Variants in LRRC49 observed in about 807,000 individuals in gnomAD.
The protein encoded by LRRC49 is leucine rich repeat containing 49.
LRRC49 carries 50 observed loss-of-function variants against 83.3 expected under a neutral mutation model. That is an observed-to-expected ratio of 0.60 (90% CI 0.48 to 0.76). The LOEUF (loss-of-function observed/expected upper bound fraction) is 0.76. Ranked by LOEUF, LRRC49 falls within the 30% of genes least tolerant of loss-of-function variation. LRRC49 has a pLI of 0.00. For missense variants in LRRC49, 704 were observed against 809.1 expected (o/e 0.87, Z 1.58); for synonymous variants, 286 against 283.3 (o/e 1.01, Z -0.10).
chr15:71,033,483 A>G (rs571659075), intron 14 of LRRC49, among the ~76,000 whole-genome samples: 9 of 152,344 alleles, frequency 5.9e-5, no homozygotes, highest in African/African-American at 1.4e-4. Flanking sequence ...TACAGATTCA[A>G]TGCTACTTCC....
intron 9 of LRRC49, among the ~76,000 whole-genome samples, chr15:70,968,090 C>T (rs1357076458): frequency 6.6e-6 from 1 of 151,878 alleles, no homozygotes; most frequent in Non-Finnish European, 1.5e-5. Context: ...CTGCACCTAT[C>T]AACCCGTAAT....
chr15:71,027,830 T>G (rs2039224393), intron 14 of LRRC49, among the ~76,000 whole-genome samples: 1 of 152,224 alleles, frequency 6.6e-6, no homozygotes, highest in Non-Finnish European at 1.5e-5. Context: ...CTTATCAGCT[T>G]AAGGAGTTTT....
intron 1 of LRRC49, among the ~76,000 whole-genome samples, chr15:70,872,131 C>T (rs899578454): frequency 6.6e-5 from 10 of 152,246 alleles, no homozygotes; most frequent in Admixed American, 6.5e-4. Flanking sequence ...AGCAAGACTC[C>T]GTCTGCAATC....
intron 7 of LRRC49, among the ~76,000 whole-genome samples, chr15:70,933,793 T>C (rs907720324): frequency 1.3e-5 from 2 of 152,190 alleles, no homozygotes; most frequent in Non-Finnish European, 2.9e-5. Flanking sequence ...ACATTTATGA[T>C]AGAATAGATT....
intron 14 of LRRC49, among the ~76,000 whole-genome samples, chr15:71,025,904 A>C (rs184303599): frequency 2.6e-4 from 39 of 152,320 alleles, no homozygotes; most frequent in Non-Finnish European, 1.5e-4. Context: ...AAAGAGACTT[A>C]GACTCCCACA....
intron 9 of LRRC49, among the ~76,000 whole-genome samples, chr15:70,971,229 C>A (rs2036985666): frequency 6.6e-6 from 1 of 152,056 alleles, no homozygotes; most frequent in Admixed American, 6.6e-5. Context: ...CCCTTAAATT[C>A]ATTATTTACC....
intron 5 of LRRC49, among the ~76,000 whole-genome samples, chr15:70,908,408 G>A (rs555030483): frequency 6.6e-6 from 1 of 152,264 alleles, no homozygotes; most frequent in East Asian, 1.9e-4. Flanking sequence ...AGGAGGCTAG[G>A]GAATATGGGT....
At chr15:70,995,385 A>C (rs181530863) in intron 11 of LRRC49, among the ~76,000 whole-genome samples, 1 of 152,360 alleles carries the variant, frequency 6.6e-6, no homozygotes, top group East Asian at 1.9e-4. Context: ...GAACACATTT[A>C]AGTAATGAAA....
intron 9 of LRRC49, among the ~76,000 whole-genome samples, chr15:70,965,025 A>C (rs2036745757): frequency 6.6e-6 from 1 of 152,084 alleles, no homozygotes; most frequent in Non-Finnish European, 1.5e-5. Context: ...TCTCTATTCC[A>C]TGGTGGAGCT....
intron 9 of LRRC49, among the ~76,000 whole-genome samples, chr15:70,969,994 C>T (rs2036936398): frequency 6.6e-6 from 1 of 152,142 alleles, no homozygotes; most frequent in Non-Finnish European, 1.5e-5. Context: ...ATTGCCCTGG[C>T]CGGAACTTCC....
At chr15:70,895,692 G>C in intron 2 of LRRC49, 157 bp from the exon 3 acceptor site, 1 of 523,328 alleles carries the variant, frequency 1.9e-6, no homozygotes, top group Non-Finnish European at 3.3e-6. Flanking sequence ...TGCCAATGTG[G>C]TATTTTGTGT....
chr15:71,009,185 G>C (rs2038564206), intron 12 of LRRC49, among the ~76,000 whole-genome samples: 1 of 151,654 alleles, frequency 6.6e-6, no homozygotes, highest in Non-Finnish European at 1.5e-5. Flanking sequence ...TGCCTTTTTG[G>C]TGGGTTTTTG....
intron 11 of LRRC49, among the ~76,000 whole-genome samples, chr15:70,989,094 T>G (rs1423922718): frequency 6.6e-6 from 1 of 152,216 alleles, no homozygotes; most frequent in East Asian, 1.9e-4. Context: ...TCAACTTTGG[T>G]GAATCTAACA....
At chr15:70,934,552 G>A (rs541989653) in intron 7 of LRRC49, among the ~76,000 whole-genome samples, 132 of 152,034 alleles carry the variant, frequency 8.7e-4, no homozygotes, top group African/African-American at 3.0e-3. Context: ...TGATAAAGAC[G>A]TAAAATTTTG....
chr15:71,005,067 T>TA (rs1209416505), intron 11 of LRRC49, among the ~76,000 whole-genome samples: 2 of 152,184 alleles, frequency 1.3e-5, no homozygotes. Flanking sequence ...TATTCTTACA[T>TA]AAATATATTA....
intron 5 of LRRC49, chr15:70,907,995 A>C: frequency 2.2e-6 from 1 of 456,008 alleles, no homozygotes; most frequent in Non-Finnish European, 4.4e-6. Context: ...GAATTGGGTA[A>C]GTTTTTAGGT....
At chr15:70,968,847 A>C (rs2036888225) in intron 9 of LRRC49, among the ~76,000 whole-genome samples, 1 of 151,860 alleles carries the variant, frequency 6.6e-6, no homozygotes, top group South Asian at 2.1e-4. Context: ...CTTTCTTGTA[A>C]ATTTGTTTAC....
intron 11 of LRRC49, among the ~76,000 whole-genome samples, chr15:71,006,922 A>C (rs1432328638): frequency 6.6e-6 from 1 of 152,056 alleles, no homozygotes; most frequent in African/African-American, 2.4e-5. Flanking sequence ...GTATGGAACT[A>C]ATTGTTAAGT....
chr15:70,996,543 T>C (rs1439879124), intron 11 of LRRC49, among the ~76,000 whole-genome samples: 2 of 152,274 alleles, frequency 1.3e-5, no homozygotes, highest in South Asian at 2.1e-4. Flanking sequence ...CTCTACCAAA[T>C]CTTTAAATGT....
Sources: gnomAD v4.1 joint callset for allele counts (sites outside exome capture counted in the v4.1 genomes callset) on GRCh38, gnomAD v4.1.1 for gene constraint, MANE v1.5 for transcripts, NCBI Gene and HGNC (gene_info 2026-07-23, HGNC 2026-07-21) for gene names.